Variants in RALGAPB observed in about 807,000 individuals in gnomAD.
The protein encoded by RALGAPB is Ral GTPase activating protein non-catalytic subunit beta.
In RALGAPB, 25 loss-of-function variants were observed where a neutral mutation model predicts 161.1. The observed-to-expected ratio is 0.16, with a 90% confidence interval of 0.11 to 0.22. RALGAPB has a LOEUF of 0.22. RALGAPB is among the 10% of genes least tolerant of loss of function. The pLI is 1.00. For synonymous variants in RALGAPB, 629 were observed against 626.1 expected, an observed-to-expected ratio of 1.00 and a Z score of -0.07; for missense variants, 1,391 against 1,815.2, an observed-to-expected ratio of 0.77 and a Z score of 4.25.
chr20:38,545,516 G>C (rs1464227960), intron 18 of RALGAPB, among the ~76,000 whole-genome samples: 1 of 152,224 alleles, frequency 6.6e-6, no homozygotes, highest in African/African-American at 2.4e-5. Context: ...GGGAAGACCA[G>C]TATTCTACAG....
intron 2 of RALGAPB, among the ~76,000 whole-genome samples, chr20:38,491,666 T>C (rs772680580): frequency 8.0e-4 from 121 of 152,144 alleles, no homozygotes; most frequent in Non-Finnish European, 1.6e-3. Flanking sequence ...CAGTGACTTA[T>C]GCCAAATTGC....
intron 13 of RALGAPB, among the ~76,000 whole-genome samples, chr20:38,526,605 G>A (rs2086479899): frequency 1.3e-5 from 2 of 152,238 alleles, no homozygotes; most frequent in Middle Eastern, 3.4e-3. Context: ...TTAAGAGAGA[G>A]CTTCCCTAAC....
At position 38,571,733 on chromosome 20, in the gene RALGAPB, T is replaced by G. The variant is rs1309365158; in HGVS notation, c.4142+886T>G. On this transcript the variant is annotated intron_variant, in intron 28 of 29. Coordinates refer to ENST00000262879, the MANE Select transcript of RALGAPB (RefSeq NM_020336.4). ...CTGGATATACACCCTGAAGTGGGAT[T>G]GCTGGATCATATGAACATTCTATTT... Among the ~76,000 whole-genome samples, 5 of 152,202 alleles carry G rather than the reference T, an allele frequency of 3.3e-5. No individual in the cohort carries two copies. The East Asian group carries it at 9.6e-4, about 29-fold the overall frequency.
At chr20:38,545,337 G>A (rs1297620110) in intron 18 of RALGAPB, among the ~76,000 whole-genome samples, 1 of 152,110 alleles carries the variant, frequency 6.6e-6, no homozygotes, top group African/African-American at 2.4e-5. Flanking sequence ...TATGTGAATT[G>A]TTGTGATATT....
At chr20:38,510,172 A>G (rs1360898694) in intron 6 of RALGAPB, among the ~76,000 whole-genome samples, 1 of 151,618 alleles carries the variant, frequency 6.6e-6, no homozygotes, top group African/African-American at 2.4e-5. Context: ...ACACAGACAC[A>G]CGCATGCATG....
chr20:38,523,293 A>C (rs1394570513), intron 10 of RALGAPB, among the ~76,000 whole-genome samples: 1 of 152,214 alleles, frequency 6.6e-6, no homozygotes, highest in Non-Finnish European at 1.5e-5. Context: ...AGTCAGCTAC[A>C]GTTGTGAAGG....
At position 38,488,638 on chromosome 20, in the gene RALGAPB, A is replaced by T. The variant is rs1329347359; in HGVS notation, c.186+20A>T. ...AAAGAAGTAAGTGTTTCTAAATTTC[A>T]TTCTCTTATATGAAAATGTACATTT... On this transcript the variant is annotated intron_variant, in intron 2 of 29. Transcript: ENST00000262879. The T allele has an allele frequency of 1.9e-6, 3 of 1,588,272 alleles. No homozygotes were observed. The South Asian group carries it at 3.4e-5, about 18-fold the overall frequency.
chr20:38,571,246 A>G (rs1424033265), intron 28 of RALGAPB, among the ~76,000 whole-genome samples: 1 of 152,110 alleles, frequency 6.6e-6, no homozygotes, highest in Non-Finnish European at 1.5e-5. Flanking sequence ...CATAAGATCT[A>G]CCCTCTTAGC....
At chr20:38,489,498 C>A (rs1412208040) in intron 2 of RALGAPB, among the ~76,000 whole-genome samples, 1 of 152,062 alleles carries the variant, frequency 6.6e-6, no homozygotes, top group Non-Finnish European at 1.5e-5. Flanking sequence ...TAAAAAGTTG[C>A]CATTGGGAAG....
chr20:38,532,797 G>A lies in RALGAPB; in HGVS notation c.2183G>A (p.Gly728Glu). ...AGTGGTATTAGTTCAGCAAGTGGTG[G>A]AAGCACGGAGCCCACGACTCCCGAT... The part of the protein sequence containing the change: ...TNSGISSASG[G>E]STEPTTPDSE... The change falls in exon 15 of 30, where the codon GGA (glycine) becomes GAA (glutamate). Residue 728 changes from glycine to glutamate, a missense_variant. Around this residue, in one of 3 missense-constraint regions of RALGAPB, gnomAD observed 946 missense variants for 1,257.2 expected, o/e 0.75. Transcript: ENST00000262879. The A allele has an allele frequency of 6.2e-7, 1 of 1,614,090 alleles. No individual in the cohort carries two copies. Among genetic ancestry groups the A allele is most frequent in the Non-Finnish European group, 8.5e-7 (1 of 1,179,944 alleles).
intron 26 of RALGAPB, among the ~76,000 whole-genome samples, chr20:38,567,942 C>T (rs1684351242): frequency 6.6e-6 from 1 of 152,050 alleles, no homozygotes; most frequent in Non-Finnish European, 1.5e-5. Context: ...AAAAAAATGC[C>T]AGGTGGTGTA....
chr20:38,495,466 T>C (rs75671829), intron 3 of RALGAPB, among the ~76,000 whole-genome samples: 4,357 of 152,340 alleles, frequency 0.029, 77 homozygotes, highest in Admixed American at 0.044. Flanking sequence ...TATAGTGTTA[T>C]AATTAGTCAG....
In RALGAPB at chr20:38,491,111, T is replaced by C. The variant is rs192222243; in HGVS notation, c.187-1819T>C. On this transcript the variant is annotated intron_variant, in intron 2 of 29. Transcript: ENST00000262879. Reference sequence around the variant, plus strand: ...TTGTCACAGCTTCACTGTGCTGTTATAGGCTTCTTTAACACTTACTGCAGT... The same window carrying C: ...TTGTCACAGCTTCACTGTGCTGTTACAGGCTTCTTTAACACTTACTGCAGT... Among the ~76,000 whole-genome samples the C allele has an allele frequency of 7.2e-5, 11 of 152,370 alleles. No individual in the cohort carries two copies. The East Asian group carries it at 2.1e-3, about 29-fold the overall frequency.
chr20:38,478,686 G>A (rs1193462280), intron 1 of RALGAPB, among the ~76,000 whole-genome samples: 1 of 151,264 alleles, frequency 6.6e-6, no homozygotes, highest in Non-Finnish European at 1.5e-5. Context: ...ACGCCACCTC[G>A]GCTCACCGCA....
chr20:38,500,134 T>G (rs2085535558), intron 5 of RALGAPB: 1 of 152,172 alleles, frequency 6.6e-6, no homozygotes, highest in Admixed American at 6.5e-5. Context: ...AAGTACACTC[T>G]TAGGTTCATT....
intron 1 of RALGAPB, 37 bp from the exon 2 acceptor site, chr20:38,488,366 G>A: frequency 3.1e-6 from 4 of 1,298,730 alleles, no homozygotes; most frequent in Non-Finnish European, 3.3e-6. Flanking sequence ...ATTTCCAATA[G>A]TATAATTTGA....
At chr20:38,538,140 G>A (rs2086862950) in intron 16 of RALGAPB, 2 of 161,910 alleles carry the variant, frequency 1.2e-5, no homozygotes, top group South Asian at 1.8e-4. Flanking sequence ...GGAGAGTGGG[G>A]CAAGAGCTAC....
chr20:38,548,479 G>A (rs1005557044), intron 19 of RALGAPB, among the ~76,000 whole-genome samples: 1 of 152,182 alleles, frequency 6.6e-6, no homozygotes, highest in Non-Finnish European at 1.5e-5. Context: ...TTTCCATTTA[G>A]AGATGCACAA....
At chr20:38,566,970 C>A in intron 25 of RALGAPB, 126 bp from the exon 26 acceptor site, 1 of 1,428,000 alleles carries the variant, frequency 7.0e-7, no homozygotes, top group Non-Finnish European at 9.2e-7. Context: ...GTTTGTCAGC[C>A]CTTGCTCTCG....
Sources: allele counts gnomAD v4.1 joint callset (sites outside exome capture counted in the v4.1 genomes callset), GRCh38; gene constraint gnomAD v4.1.1; regional missense constraint gnomAD v4.1.1; transcripts MANE v1.5; gene names NCBI Gene and HGNC (gene_info 2026-07-23, HGNC 2026-07-21).